KALRN: variants seen among roughly 807,000 people sequenced by gnomAD.
KALRN encodes the protein kalirin.
In KALRN, 70 loss-of-function variants were observed where a neutral mutation model predicts 353.7. The observed-to-expected ratio is 0.20, with a 90% confidence interval of 0.16 to 0.24. KALRN has a LOEUF of 0.24. Ranked by LOEUF, KALRN falls within the 10% of genes least tolerant of loss-of-function variation. KALRN has a pLI of 1.00. For synonymous variants in KALRN, 1,391 were observed against 1,434.8 expected, an observed-to-expected ratio of 0.97 and a Z score of 0.69; for missense variants, 2,791 against 3,756.7, an observed-to-expected ratio of 0.74 and a Z score of 6.72.
intron 1 of KALRN, among the ~76,000 whole-genome samples, chr3:124,082,599 C>T (rs922025982): frequency 5.3e-5 from 8 of 152,126 alleles, no homozygotes; most frequent in African/African-American, 1.9e-4. Context: ...TCTGCAGTGT[C>T]CCTTTACTCT....
At chr3:124,042,142 C>G (rs2040022249) in intron 1 of KALRN, among the ~76,000 whole-genome samples, 1 of 152,108 alleles carries the variant, frequency 6.6e-6, no homozygotes, top group Non-Finnish European at 1.5e-5. Flanking sequence ...CAGGTTAAAA[C>G]AGCATTGAAA....
At chr3:124,077,435 T>A (rs2060311267) in intron 1 of KALRN, among the ~76,000 whole-genome samples, 1 of 152,152 alleles carries the variant, frequency 6.6e-6, no homozygotes, top group Admixed American at 6.5e-5. Flanking sequence ...ATTCCTACTC[T>A]TTCCCATGCC....
At chr3:124,035,301 A>C (rs1009601506) in intron 1 of KALRN, among the ~76,000 whole-genome samples, 7 of 152,018 alleles carry the variant, frequency 4.6e-5, no homozygotes, top group African/African-American at 1.5e-4. Context: ...TCTAGGGAAA[A>C]GGTGGTTCTG....
At chr3:124,680,680 G>GT (rs1323770342) in intron 51 of KALRN, among the ~76,000 whole-genome samples, 4 of 152,220 alleles carry the variant, frequency 2.6e-5, no homozygotes. Flanking sequence ...CTAAGAGCCG[G>GT]TAAGTCAGCT....
At chr3:124,508,244 A>G (rs2065451986) in intron 33 of KALRN, among the ~76,000 whole-genome samples, 1 of 152,240 alleles carries the variant, frequency 6.6e-6, no homozygotes, top group African/African-American at 2.4e-5. Flanking sequence ...AGGTCATGAA[A>G]TAGAACATTG....
At chr3:124,691,995 G>A (rs1345433826) in intron 51 of KALRN, among the ~76,000 whole-genome samples, 3 of 152,228 alleles carry the variant, frequency 2.0e-5, no homozygotes, top group South Asian at 2.1e-4. Flanking sequence ...GGGGCAGGAA[G>A]TTGGTTTATC....
chr3:124,724,200 A>C lies in KALRN; in HGVS notation c.*4730A>C, dbSNP rs1005826465. ...GAGGGAGCAAATATGATATAAACTA[A>C]ATTTTGCATTAACTAAAACTTTGTC... On this transcript the variant is annotated 3_prime_UTR_variant, in exon 60 of 60. Transcript: ENST00000682506. 2 of 152,160 alleles carry C rather than the reference A, an allele frequency of 1.3e-5. No homozygotes were observed. The highest frequency in any genetic ancestry group is 4.8e-5 in the African/African-American group (2 of 41,422). The allele number at this position is 152,160 out of a possible 1,614,324, so 9.4% of individuals were successfully genotyped here.
chr3:124,565,456 C>T (rs1343262613), intron 34 of KALRN, among the ~76,000 whole-genome samples: 3 of 152,218 alleles, frequency 2.0e-5, no homozygotes, highest in East Asian at 3.8e-4. Context: ...CAAAACACAG[C>T]AGTGCCTGGC....
At chr3:124,716,523 A>T (rs2063141690) in intron 58 of KALRN, among the ~76,000 whole-genome samples, 1 of 152,278 alleles carries the variant, frequency 6.6e-6, no homozygotes, top group Admixed American at 6.5e-5. Flanking sequence ...CTTTGTCTCA[A>T]AAACAAAACA....
intron 1 of KALRN, among the ~76,000 whole-genome samples, chr3:124,138,238 C>T (rs2066175293): frequency 1.3e-5 from 2 of 152,212 alleles, no homozygotes; most frequent in Non-Finnish European, 2.9e-5. Context: ...TCCTCTCTCC[C>T]TGCTGGATCA....
chr3:124,118,072 T>A (rs1249242837), intron 1 of KALRN, among the ~76,000 whole-genome samples: 1 of 152,176 alleles, frequency 6.6e-6, no homozygotes, highest in Non-Finnish European at 1.5e-5. Flanking sequence ...CTCTTAGGGA[T>A]CATCCAGGAA....
rs559292583 is a variant in KALRN, at chr3:124,677,553, C to G, written c.7194-637C>G. 4 of 456,470 alleles carry G rather than the reference C, an allele frequency of 8.8e-6. No homozygotes were observed. In the East Asian group the frequency reaches 2.8e-4, roughly 32 times the overall value. 28.3% of individuals were successfully genotyped at this position (456,470 alleles called of 1,614,324 possible). ...GCTGACAAAGCCATATATTCACAAA[C>G]ACTGAGTGATATGGAGAATATAGAC... On this transcript the variant is annotated intron_variant, in intron 49 of 59. Transcript: ENST00000682506.
chr3:124,142,196 G>A (rs2066711942), intron 1 of KALRN, among the ~76,000 whole-genome samples: 1 of 152,132 alleles, frequency 6.6e-6, no homozygotes, highest in Non-Finnish European at 1.5e-5. Context: ...CTTTGTTTAT[G>A]TCTCTCAACT....
At chr3:124,546,475 T>TGA (rs1395748208) in intron 33 of KALRN, among the ~76,000 whole-genome samples, 2 of 149,008 alleles carry the variant, frequency 1.3e-5, no homozygotes, top group East Asian at 2.0e-4. Context: ...ATAAAAAGAG[T>TGA]GAGAGAGAGA....
chr3:124,716,609 T>C (rs1201877200), intron 58 of KALRN, among the ~76,000 whole-genome samples: 1 of 152,180 alleles, frequency 6.6e-6, no homozygotes, highest in African/African-American at 2.4e-5. Context: ...GAACAAACTT[T>C]GCCTACTTTC....
chr3:124,087,753 C>T (rs565625242), intron 1 of KALRN, among the ~76,000 whole-genome samples: 28 of 152,260 alleles, frequency 1.8e-4, no homozygotes, highest in African/African-American at 5.3e-4. Context: ...GGGGTCTCAA[C>T]CAGCATCTGT....
At chr3:124,127,937 A>G (rs1056501417) in intron 1 of KALRN, among the ~76,000 whole-genome samples, 1 of 151,622 alleles carries the variant, frequency 6.6e-6, no homozygotes, top group Non-Finnish European at 1.5e-5. Context: ...TCTTTCTCTT[A>G]TGCTTCATTT....
intron 1 of KALRN, among the ~76,000 whole-genome samples, chr3:124,065,592 A>G (rs1235192267): frequency 6.7e-6 from 1 of 149,010 alleles, no homozygotes; most frequent in Non-Finnish European, 1.5e-5. Context: ...TAGTTATACT[A>G]TTCTTTCTAC....
At chr3:124,402,923 A>C (rs2091051185) in intron 13 of KALRN, among the ~76,000 whole-genome samples, 1 of 152,210 alleles carries the variant, frequency 6.6e-6, no homozygotes, top group African/African-American at 2.4e-5. Context: ...TTGTGCTTTC[A>C]TGATTGGTAT....
Sources: gnomAD v4.1 joint callset for allele counts (sites outside exome capture counted in the v4.1 genomes callset) on GRCh38, gnomAD v4.1.1 for gene constraint, MANE v1.5 for transcripts, NCBI Gene and HGNC (gene_info 2026-07-23, HGNC 2026-07-21) for gene names.